PLCG2: variants seen among roughly 807,000 people sequenced by gnomAD.
The protein encoded by PLCG2 is 1-phosphatidylinositol 4,5-bisphosphate phosphodiesterase gamma-2.
A neutral mutation model predicts 175.6 loss-of-function variants in PLCG2; 69 were observed. The observed-to-expected ratio is 0.39, with a 90% CI of 0.32 to 0.48. The LOEUF is 0.48. Ranked by LOEUF, PLCG2 falls within the 20% of genes least tolerant of loss-of-function variation. The probability of loss-of-function intolerance (pLI) is 0.91; values close to 1 mark genes in which losing one functional copy is unlikely to be tolerated. For missense variants in PLCG2, 1,798 were observed against 1,650.9 expected, an observed-to-expected ratio of 1.09 and a Z score of -1.54; for synonymous variants, 827 against 624.0, an observed-to-expected ratio of 1.33 and a Z score of -4.85.
intron 2 of PLCG2, among the ~76,000 whole-genome samples, chr16:81,816,095 G>A (rs1462896732): frequency 6.7e-6 from 1 of 148,196 alleles, no homozygotes; most frequent in Non-Finnish European, 1.5e-5. Context: ...TCACGGACAG[G>A]CACGATGGCT....
chr16:81,958,879 A>G lies in PLCG2; in HGVS notation c.*881A>G, dbSNP rs1911677985. 1 of 219,842 alleles carries G rather than the reference A, an allele frequency of 4.5e-6. No individual in the cohort carries two copies. Among genetic ancestry groups the G allele is most frequent in the East Asian group, 6.6e-5 (1 of 15,056 alleles). The allele number at this position is 219,842 out of a possible 1,614,324, so 13.6% of individuals were successfully genotyped here. On this transcript the variant is annotated 3_prime_UTR_variant, in exon 33 of 33. Coordinates refer to ENST00000564138, the MANE Select transcript of PLCG2 (RefSeq NM_002661.5). ...TGCTTGAAAGAGGTAGACAAAAGTT[A>G]GGTTGATGGCGAAATGTCTCTGGGT... is the stretch of plus-strand genomic sequence containing the variant.
intron 2 of PLCG2, among the ~76,000 whole-genome samples, chr16:81,789,102 A>G (rs11864983): frequency 0.095 from 14,490 of 152,286 alleles, 795 homozygotes; most frequent in Middle Eastern, 0.12. Flanking sequence ...TGCTCTTCAC[A>G]TGTATCCCGG....
At chr16:81,860,175 T>TTATTATTATTATTATTA (rs1567503036) in intron 5 of PLCG2, among the ~76,000 whole-genome samples, 12 of 89,380 alleles carry the variant, frequency 1.3e-4, no homozygotes, top group Admixed American at 2.2e-4. Flanking sequence ...TATTATTATT[T>TTATTATTATTATTATTA]TTTTTTTTTT....
At chr16:81,920,182 C>T (rs1032585292) in intron 20 of PLCG2, among the ~76,000 whole-genome samples, 1 of 152,178 alleles carries the variant, frequency 6.6e-6, no homozygotes, top group Non-Finnish European at 1.5e-5. Context: ...TGCAGGGGCT[C>T]ATAGGCCATT....
At chr16:81,771,625 G>A (rs1391988914) in intron 2 of PLCG2, among the ~76,000 whole-genome samples, 1 of 151,906 alleles carries the variant, frequency 6.6e-6, no homozygotes, top group Non-Finnish European at 1.5e-5. Context: ...AGGTAAATAG[G>A]TCTAATCTAT....
intron 32 of PLCG2, 57 bp from the exon 33 acceptor site, chr16:81,957,899 A>C: frequency 9.7e-6 from 14 of 1,442,878 alleles, no homozygotes; most frequent in Non-Finnish European, 1.2e-5. Flanking sequence ...TACAGAGTTC[A>C]GCACGCAGCC....
At chr16:81,896,566 A>C (rs1908900193) in intron 13 of PLCG2, among the ~76,000 whole-genome samples, 1 of 152,186 alleles carries the variant, frequency 6.6e-6, no homozygotes, top group Non-Finnish European at 1.5e-5. Flanking sequence ...CAACAGAGCG[A>C]GACCCTGTCT....
intron 2 of PLCG2, among the ~76,000 whole-genome samples, chr16:81,833,833 C>T (rs1030329156): frequency 1.3e-5 from 2 of 152,174 alleles, no homozygotes; most frequent in Admixed American, 6.5e-5. Flanking sequence ...CAAGCATGAG[C>T]CACGGCGCCC....
intron 29 of PLCG2, 86 bp from the exon 30 acceptor site, chr16:81,939,806 G>A: frequency 2.4e-6 from 2 of 842,582 alleles, no homozygotes; most frequent in Non-Finnish European, 4.0e-6. Flanking sequence ...TTGCTAAGGG[G>A]ATTCACAGCT....
At chr16:81,827,409 G>T (rs978335599) in intron 2 of PLCG2, among the ~76,000 whole-genome samples, 4 of 151,708 alleles carry the variant, frequency 2.6e-5, no homozygotes, top group Admixed American at 2.6e-4. Flanking sequence ...GGCTGATCTC[G>T]AACTCCTAGG....
At chr16:81,805,551 A>C (rs1306929890) in intron 2 of PLCG2, among the ~76,000 whole-genome samples, 1 of 151,256 alleles carries the variant, frequency 6.6e-6, no homozygotes, top group African/African-American at 2.4e-5. Context: ...AAAAACCAAA[A>C]ACAAAAGCTC....
rs1909744175 is a variant in PLCG2 at position 81,914,163 on chromosome 16, A to G, written c.2054+1447A>G. ...CCCCAGGTGGGGTGTTGGCACTCCC[A>G]CTGTGCTGTCATCCTGTGCAAATGA... On this transcript the variant is annotated intron_variant, in intron 19 of 32. Coordinates refer to ENST00000564138, the MANE Select transcript of PLCG2 (RefSeq NM_002661.5). 4.6e-5 allele frequency among the ~76,000 whole-genome samples: 7 copies of G among 152,170 alleles called. No individual in the cohort carries two copies. In the South Asian group the frequency reaches 1.4e-3, roughly 31 times the overall value.
intron 1 of PLCG2, among the ~76,000 whole-genome samples, chr16:81,742,330 T>A (rs1236292815): frequency 2.6e-5 from 4 of 152,154 alleles, no homozygotes; most frequent in Admixed American, 2.6e-4. Context: ...AGGGCCTGAC[T>A]GGGATGAGAC....
chr16:81,801,092 C>T (rs1029880019), intron 2 of PLCG2, among the ~76,000 whole-genome samples: 2 of 152,178 alleles, frequency 1.3e-5, no homozygotes, highest in Non-Finnish European at 2.9e-5. Context: ...ATGACTTTTG[C>T]TCGTCTCCAG....
chr16:81,740,281 T>C (rs1434145207), intron 1 of PLCG2: 1 of 152,212 alleles, frequency 6.6e-6, no homozygotes, highest in Non-Finnish European at 1.5e-5. Flanking sequence ...AGTGGGGCTG[T>C]CGACCACAGG....
intron 1 of PLCG2, among the ~76,000 whole-genome samples, chr16:81,744,658 G>A (rs1036699521): frequency 6.6e-6 from 1 of 151,884 alleles, no homozygotes; most frequent in Non-Finnish European, 1.5e-5. Context: ...CTGCAGCCTT[G>A]ACCTCCTGGG....
chr16:81,806,517 T>G (rs12599264), intron 2 of PLCG2, among the ~76,000 whole-genome samples: 97,205 of 151,720 alleles, frequency 0.64, 32,352 homozygotes, highest in Non-Finnish European at 0.75. Flanking sequence ...GGGGTTGCTT[T>G]TGACCCAGGC....
At chr16:81,841,847 G>T (rs1430690925) in intron 2 of PLCG2, among the ~76,000 whole-genome samples, 1 of 152,152 alleles carries the variant, frequency 6.6e-6, no homozygotes, top group African/African-American at 2.4e-5. Flanking sequence ...TAACACCTTT[G>T]GTTTTTCTTA....
intron 2 of PLCG2, among the ~76,000 whole-genome samples, chr16:81,830,728 C>T (rs751326284): frequency 1.3e-5 from 2 of 151,478 alleles, no homozygotes; most frequent in Admixed American, 6.6e-5. Context: ...ATGGCAAAAT[C>T]ATCTGCCAAG....
Sources: gnomAD v4.1 joint callset for allele counts (sites outside exome capture counted in the v4.1 genomes callset) on GRCh38, gnomAD v4.1.1 for gene constraint, MANE v1.5 for transcripts, NCBI Gene and HGNC (gene_info 2026-07-23, HGNC 2026-07-21) for gene names.